USP3: variants seen among roughly 807,000 people sequenced by gnomAD.
USP3 encodes the protein ubiquitin carboxyl-terminal hydrolase 3.
USP3 carries 20 observed loss-of-function variants against 72.3 expected under a neutral mutation model. The observed-to-expected ratio is 0.28, with a 90% CI of 0.19 to 0.40. USP3 has a LOEUF of 0.40. Among genes scored for constraint, USP3 ranks in the 10% least tolerant of loss-of-function variants. The pLI is 1.00. For synonymous variants in USP3, 222 were observed against 225.3 expected (o/e 0.99, Z 0.13); for missense variants, 479 against 633.9 (o/e 0.76, Z 2.62).
intron 1 of USP3, among the ~76,000 whole-genome samples, chr15:63,530,983 T>TA (rs1173310344): frequency 6.6e-6 from 1 of 152,154 alleles, no homozygotes; most frequent in Non-Finnish European, 1.5e-5. Flanking sequence ...CCCAGTTGAG[T>TA]AAAAAATGCC....
At chr15:63,561,204 G>C (rs1483639258) in intron 7 of USP3, among the ~76,000 whole-genome samples, 1 of 151,642 alleles carries the variant, frequency 6.6e-6, no homozygotes, top group Non-Finnish European at 1.5e-5. Flanking sequence ...GGACAGCAGT[G>C]AAACAGTAGA....
Position 63,529,184 on chromosome 15 carries a change from T to A in USP3, c.92-3463T>A. 1 of 574,452 alleles carries A rather than the reference T, an allele frequency of 1.7e-6. No homozygotes were observed. Among genetic ancestry groups the A allele is most frequent in the Non-Finnish European group, 2.9e-6 (1 of 348,082 alleles). 35.6% of individuals were successfully genotyped at this position (574,452 alleles called of 1,614,324 possible). The stretch of plus-strand genomic sequence containing the variant: ...CTTGGCAGGTAGTAAAGTGGTTTTT[T>A]TTTTTTTCTTTTTTTTGAGATATAT... On this transcript the variant is annotated intron_variant, in intron 1 of 14. Transcript: ENST00000380324. This position sits in a 1 kb window ranked among gnomAD's most constrained non-coding sequence, Gnocchi z 4.2.
chr15:63,547,776 GAGAGAGAGAGAGAGAGAGAGAGAGGCAT>G (rs1373192886), intron 3 of USP3, among the ~76,000 whole-genome samples: 19 of 29,324 alleles, frequency 6.5e-4, no homozygotes, highest in Non-Finnish European at 9.3e-4. Flanking sequence ...GAGAGAGAGA[GAGAGAGAGAGAGAGAGAGAGAGAGGCAT>G]AGAGAGAGGC....
intron 1 of USP3, among the ~76,000 whole-genome samples, chr15:63,520,415 T>A (rs2065904448): frequency 6.6e-6 from 1 of 152,166 alleles, no homozygotes; most frequent in Non-Finnish European, 1.5e-5. Context: ...TTCAAATTTG[T>A]TTACAGTTCT....
At chr15:63,550,115 G>T (rs1458196286) in intron 3 of USP3, among the ~76,000 whole-genome samples, 1 of 152,204 alleles carries the variant, frequency 6.6e-6, no homozygotes. Flanking sequence ...CGCCTCCTTG[G>T]TTCAAGCGAT....
chr15:63,512,326 TTCCTCTTCC>T (rs200732236), intron 1 of USP3, among the ~76,000 whole-genome samples: 2,607 of 121,522 alleles, frequency 0.021, 70 homozygotes, highest in African/African-American at 0.068. Context: ...CTTCCTCTTC[TTCCTCTTCC>T]TCCTCTTCCT....
intron 8 of USP3, among the ~76,000 whole-genome samples, chr15:63,565,108 T>A (rs1034438263): frequency 2.6e-5 from 4 of 152,214 alleles, no homozygotes; most frequent in African/African-American, 9.6e-5. Context: ...TGACAGACAG[T>A]GTCTAGAGAA....
chr15:63,506,312 T>C (rs1254588774), intron 1 of USP3, among the ~76,000 whole-genome samples: 1 of 152,062 alleles, frequency 6.6e-6, no homozygotes, highest in Non-Finnish European at 1.5e-5. Context: ...GCTATAACTG[T>C]AGCCATTGCT....
At chr15:63,508,038 T>C (rs62011292) in intron 1 of USP3, among the ~76,000 whole-genome samples, 20,220 of 152,188 alleles carry the variant, frequency 0.13, 1,843 homozygotes, top group South Asian at 0.2. Context: ...TTACATTGCT[T>C]CTGCATTCAG....
intron 2 of USP3, among the ~76,000 whole-genome samples, 179 bp downstream of exon 2, chr15:63,532,886 A>G (rs1209814572): frequency 2.0e-5 from 3 of 152,172 alleles, no homozygotes; most frequent in Non-Finnish European, 2.9e-5. Flanking sequence ...TGGGGAAAAC[A>G]TCTAGGGGAG....
intron 3 of USP3, among the ~76,000 whole-genome samples, chr15:63,547,120 A>G (rs1595734454): frequency 6.6e-6 from 1 of 152,348 alleles, no homozygotes; most frequent in Middle Eastern, 3.4e-3. Context: ...CTGTGAGGCT[A>G]GTTACACAGA....
At chr15:63,512,024 T>C (rs1234403534) in intron 1 of USP3, among the ~76,000 whole-genome samples, 5 of 149,790 alleles carry the variant, frequency 3.3e-5, no homozygotes, top group Admixed American at 2.0e-4. Context: ...TGGCACGATC[T>C]TGTCTCACTG....
intron 1 of USP3, among the ~76,000 whole-genome samples, chr15:63,512,067 TGC>T (rs2065790628): frequency 6.6e-6 from 1 of 151,588 alleles, no homozygotes; most frequent in African/African-American, 2.4e-5. Context: ...AGTAATTCTT[TGC>T]CTCAGCCTCC....
intron 8 of USP3, among the ~76,000 whole-genome samples, chr15:63,569,333 A>G (rs1442967224): frequency 1.3e-5 from 2 of 152,234 alleles, no homozygotes; most frequent in East Asian, 3.8e-4. Flanking sequence ...GTTGCCAGCT[A>G]GTTTAGAAAA....
chr15:63,570,389 G>A lies in USP3; in HGVS notation c.762-44G>A, dbSNP rs1185423227. The A allele has an allele frequency of 6.2e-7, 1 of 1,611,346 alleles. No homozygotes were observed. Among genetic ancestry groups the A allele is most frequent in the Non-Finnish European group, 8.5e-7 (1 of 1,179,570 alleles). ...TCTTGCTGGTGTGGCTGGGCACAAA[G>A]AGCCCTCCACCCGGCCTTATAAGTG... On this transcript the variant is annotated intron_variant, in intron 8 of 14. Transcript: ENST00000380324. The surrounding 1 kb of genome is among the most constrained non-coding windows in gnomAD (Gnocchi z 4.4).
chr15:63,535,266 A>G (rs1317879899), intron 2 of USP3, among the ~76,000 whole-genome samples: 1 of 152,214 alleles, frequency 6.6e-6, no homozygotes, highest in Non-Finnish European at 1.5e-5. Flanking sequence ...TGACCTATAC[A>G]GTTACATGTT....
At chr15:63,582,712 A>G (rs142715126) in intron 11 of USP3, among the ~76,000 whole-genome samples, 89 of 152,320 alleles carry the variant, frequency 5.8e-4, no homozygotes, top group South Asian at 2.1e-3. Context: ...TTGGAAAGCA[A>G]GAAGATGCTG....
intron 3 of USP3, among the ~76,000 whole-genome samples, chr15:63,538,563 T>G (rs931757982): frequency 6.6e-6 from 1 of 151,654 alleles, no homozygotes; most frequent in African/African-American, 2.4e-5. Flanking sequence ...TTTTTTTTTT[T>G]TTTGAAACAG....
At chr15:63,584,334 G>A (rs2067018761) in intron 11 of USP3, among the ~76,000 whole-genome samples, 2 of 152,008 alleles carry the variant, frequency 1.3e-5, no homozygotes, top group East Asian at 1.9e-4. Flanking sequence ...TCCTGACCTC[G>A]TGATCTACCC....
Sources: allele counts gnomAD v4.1 joint callset (sites outside exome capture counted in the v4.1 genomes callset), GRCh38; gene constraint gnomAD v4.1.1; non-coding constraint Gnocchi (gnomAD v3.1); transcripts MANE v1.5; gene names NCBI Gene and HGNC (gene_info 2026-07-23, HGNC 2026-07-21).